Variants in ST8SIA4 observed in about 807,000 individuals in gnomAD.
ST8SIA4 encodes CMP-N-acetylneuraminate-poly-alpha-2,8-sialyltransferase.
Under a neutral mutation model 33.9 loss-of-function variants are expected in ST8SIA4, and 15 were observed. The observed-to-expected ratio is 0.44, with a 90% CI of 0.30 to 0.68. ST8SIA4 has a LOEUF of 0.68. Among genes scored for constraint, ST8SIA4 ranks in the 30% least tolerant of loss-of-function variants. The pLI is 0.10. For synonymous variants in ST8SIA4, 171 were observed against 151.2 expected, an observed-to-expected ratio of 1.13 and a Z score of -0.96; for missense variants, 321 against 428.0, an observed-to-expected ratio of 0.75 and a Z score of 2.21.
intron 4 of ST8SIA4, among the ~76,000 whole-genome samples, chr5:100,817,004 G>A (rs990727407): frequency 4.0e-5 from 6 of 149,528 alleles, no homozygotes; most frequent in Admixed American, 1.3e-4. Flanking sequence ...GTGCAATGGC[G>A]CAATCTTGGC....
At position 100,856,371 on chromosome 5, in the gene ST8SIA4, ACT is replaced by A; in HGVS notation, c.527_528del (p.Glu176ValfsTer8). On this transcript the variant is annotated frameshift_variant, in exon 4 of 5. Coordinates refer to ENST00000231461, the MANE Select transcript of ST8SIA4 (RefSeq NM_005668.6). LOFTEE classifies it high-confidence loss of function. The stretch of plus-strand genomic sequence containing the variant: ...GATTTAGTTCCCACATCTGCAGCAA[ACT>A]CCACCACAGGAGCTAGATTACACCT... ...VIRCNLAPVV[E>X]FAADVGTKSD... The A allele has an allele frequency of 6.2e-7, 1 of 1,613,788 alleles. No individual in the cohort carries two copies. Among genetic ancestry groups the A allele is most frequent in the Non-Finnish European group, 8.5e-7 (1 of 1,179,832 alleles).
chr5:100,820,996 T>G (rs189439687), intron 4 of ST8SIA4, among the ~76,000 whole-genome samples: 45 of 152,156 alleles, frequency 3.0e-4, no homozygotes, highest in African/African-American at 1.0e-3. Context: ...GAGAAAAAAC[T>G]GAAACTCGTA....
At chr5:100,886,145 C>T (rs1284176749) in intron 3 of ST8SIA4, 198 bp downstream of exon 3, 12 of 1,364,538 alleles carry the variant, frequency 8.8e-6, no homozygotes, top group Non-Finnish European at 8.5e-6. Context: ...GACAGGATCA[C>T]TTTTTCTTTC....
intron 3 of ST8SIA4, among the ~76,000 whole-genome samples, chr5:100,878,164 C>T (rs1182346888): frequency 6.6e-6 from 1 of 151,862 alleles, no homozygotes; most frequent in East Asian, 1.9e-4. Context: ...AAGTGACAGT[C>T]TTTATTCAGA....
At position 100,808,758 on chromosome 5, in the gene ST8SIA4, T is replaced by G. The variant is rs1485834764; in HGVS notation, c.*3089A>C. 2.6e-5 allele frequency: 4 copies of G among 152,810 alleles called. No individual in the cohort carries two copies. In the East Asian group the frequency reaches 7.7e-4, roughly 29 times the overall value. 9.5% of individuals were successfully genotyped at this position (152,810 alleles called of 1,614,324 possible). A position where few individuals can be genotyped will look rare whatever the true frequency, so the allele number is the denominator to read the frequency against. On this transcript the variant is annotated 3_prime_UTR_variant, in exon 5 of 5. Coordinates refer to ENST00000231461, the MANE Select transcript of ST8SIA4 (RefSeq NM_005668.6). Reference sequence around the variant, plus strand: ...TTTTTCTTATTCTTGCCATTAGCCTTCATTGATCTTGCTCTGTTTCCATAA... The same window carrying G: ...TTTTTCTTATTCTTGCCATTAGCCTGCATTGATCTTGCTCTGTTTCCATAA...
chr5:100,822,911 C>G (rs574720575), intron 4 of ST8SIA4, among the ~76,000 whole-genome samples: 3 of 152,152 alleles, frequency 2.0e-5, no homozygotes, highest in Non-Finnish European at 4.4e-5. Context: ...GCGGGCGGAT[C>G]ACGAGGTCAG....
intron 4 of ST8SIA4, among the ~76,000 whole-genome samples, chr5:100,822,702 C>T (rs1391803449): frequency 2.6e-5 from 4 of 152,178 alleles, no homozygotes; most frequent in Non-Finnish European, 5.9e-5. Context: ...GCAACTCCAT[C>T]TTGAATAGGC....
At chr5:100,850,710 C>T (rs549535853) in intron 4 of ST8SIA4, among the ~76,000 whole-genome samples, 2 of 151,526 alleles carry the variant, frequency 1.3e-5, no homozygotes, top group Admixed American at 1.3e-4. Flanking sequence ...CCATCCATAC[C>T]TCTGTGTTTA....
chr5:100,898,587 T>C lies in ST8SIA4; in HGVS notation c.114-2802A>G, dbSNP rs535802559. Among the ~76,000 whole-genome samples, 292 of 152,348 alleles carry C rather than the reference T, an allele frequency of 1.9e-3. 1 individual carries two copies. The highest frequency in any genetic ancestry group is 6.4e-3 in the African/African-American group (265 of 41,580). On this transcript the variant is annotated intron_variant, in intron 1 of 4. Transcript: ENST00000231461. ...TATCTACAACTAGTCACACTTTTTA[T>C]AGTCAGTGTGGGAGAAGGTCAAACT...
At chr5:100,838,152 A>G (rs980193999) in intron 4 of ST8SIA4, among the ~76,000 whole-genome samples, 8 of 151,994 alleles carry the variant, frequency 5.3e-5, no homozygotes, top group African/African-American at 1.9e-4. Context: ...GTCAGTGCCT[A>G]GAGTATAGAA....
At chr5:100,832,187 G>T (rs1412024037) in intron 4 of ST8SIA4, among the ~76,000 whole-genome samples, 2 of 151,904 alleles carry the variant, frequency 1.3e-5, no homozygotes, top group South Asian at 2.1e-4. Flanking sequence ...CACACTTTAG[G>T]TTTTATTTAA....
At chr5:100,860,546 T>C (rs931814238) in intron 3 of ST8SIA4, among the ~76,000 whole-genome samples, 15 of 152,190 alleles carry the variant, frequency 9.9e-5, no homozygotes, top group African/African-American at 2.9e-4. Context: ...TTGACTTTCC[T>C]GTCATGAAGG....
chr5:100,818,330 A>G (rs1162719973), intron 4 of ST8SIA4, among the ~76,000 whole-genome samples: 1 of 152,184 alleles, frequency 6.6e-6, no homozygotes, highest in Non-Finnish European at 1.5e-5. Flanking sequence ...GCCAGTATCA[A>G]TAGTGGTTTT....
chr5:100,880,358 G>A (rs1752391613), intron 3 of ST8SIA4, among the ~76,000 whole-genome samples: 1 of 152,092 alleles, frequency 6.6e-6, no homozygotes, highest in African/African-American at 2.4e-5. Flanking sequence ...CAGTGGTAGG[G>A]GGTGTTTCTG....
intron 4 of ST8SIA4, among the ~76,000 whole-genome samples, chr5:100,834,057 A>T (rs568417093): frequency 1.0e-3 from 159 of 152,338 alleles, no homozygotes; most frequent in Non-Finnish European, 1.9e-3. Flanking sequence ...ATATCATCTT[A>T]ATCAAATGAG....
chr5:100,834,791 C>G (rs561276399), intron 4 of ST8SIA4, among the ~76,000 whole-genome samples: 2 of 152,190 alleles, frequency 1.3e-5, no homozygotes, highest in South Asian at 2.1e-4. Flanking sequence ...AGAGCCTGTC[C>G]CACTTTGCCT....
At chr5:100,862,982 A>G (rs1296828835) in intron 3 of ST8SIA4, among the ~76,000 whole-genome samples, 1 of 152,242 alleles carries the variant, frequency 6.6e-6, no homozygotes, top group East Asian at 1.9e-4. Flanking sequence ...GTTCAGTTGC[A>G]TATGTGCAAG....
chr5:100,853,412 C>T (rs1457078411), intron 4 of ST8SIA4, among the ~76,000 whole-genome samples: 1 of 152,178 alleles, frequency 6.6e-6, no homozygotes, highest in East Asian at 1.9e-4. Context: ...GTTTAGAACT[C>T]AATACCTTGA....
chr5:100,888,893 T>C (rs112763007), intron 2 of ST8SIA4, among the ~76,000 whole-genome samples: 2,888 of 152,040 alleles, frequency 0.019, 100 homozygotes, highest in African/African-American at 0.067. Context: ...GAAAAAATAA[T>C]GTTATGATCT....
Sources: gnomAD v4.1 joint callset for allele counts (sites outside exome capture counted in the v4.1 genomes callset) on GRCh38, gnomAD v4.1.1 for gene constraint, MANE v1.5 for transcripts, NCBI Gene and HGNC (gene_info 2026-07-23, HGNC 2026-07-21) for gene names.